Variants in NAPB observed in about 807,000 individuals in gnomAD.
The protein encoded by NAPB is beta-soluble NSF attachment protein.
In NAPB, 26 loss-of-function variants were observed where a neutral mutation model predicts 44.7. The observed-to-expected ratio is 0.58, with a 90% CI of 0.43 to 0.81. The LOEUF (loss-of-function observed/expected upper bound fraction) is 0.81. Among genes scored for constraint, NAPB ranks in the 30% least tolerant of loss-of-function variants. The probability of loss-of-function intolerance (pLI) is 0.00; values close to 1 mark genes in which losing one functional copy is unlikely to be tolerated. For synonymous variants in NAPB, 120 were observed against 116.8 expected (o/e 1.03, Z -0.18); for missense variants, 315 against 356.4 (o/e 0.88, Z 0.94).
At chr20:23,390,146 G>C in intron 6 of NAPB, 63 bp downstream of exon 6, 2 of 1,516,976 alleles carry the variant, frequency 1.3e-6, no homozygotes, top group Non-Finnish European at 1.8e-6. Context: ...AAAGTATAAA[G>C]AAGTATTTTT....
At chr20:23,408,057 T>TA (rs1600593878) in intron 1 of NAPB, among the ~76,000 whole-genome samples, 2 of 152,304 alleles carry the variant, frequency 1.3e-5, no homozygotes, top group East Asian at 1.9e-4. Flanking sequence ...AAGTTGCCTC[T>TA]AAAATCACAA....
rs907441573 is a variant in NAPB at position 23,406,541 on chromosome 20, G to T, written c.99-3469C>A. Among the ~76,000 whole-genome samples, 9 of 152,078 alleles carry T rather than the reference G, an allele frequency of 5.9e-5. No individual in the cohort carries two copies. The South Asian group carries it at 1.9e-3, about 32-fold the overall frequency. ...GGACTATGTTACACAGTGAAAGATA[G>T]AATGGCAACAAGCCATACCAAAAAT... On this transcript the variant is annotated intron_variant, in intron 1 of 10. Transcript: ENST00000377026.
intron 5 of NAPB, among the ~76,000 whole-genome samples, chr20:23,392,256 A>G (rs1487625512): frequency 2.0e-5 from 3 of 148,102 alleles, no homozygotes; most frequent in Non-Finnish European, 4.4e-5. Flanking sequence ...GGTGTTCCAA[A>G]GAAATATTTT....
At chr20:23,411,877 ATAG>A (rs2123252803) in intron 1 of NAPB, among the ~76,000 whole-genome samples, 1 of 152,348 alleles carries the variant, frequency 6.6e-6, no homozygotes, top group Admixed American at 6.5e-5. Flanking sequence ...TACAGTAAAT[ATAG>A]TAGTATGACA....
At chr20:23,382,074 T>C (rs1323570551) in intron 7 of NAPB, among the ~76,000 whole-genome samples, 1 of 152,102 alleles carries the variant, frequency 6.6e-6, no homozygotes, top group Non-Finnish European at 1.5e-5. Context: ...AGGAAAGAGG[T>C]TCCCCTTCTT....
At chr20:23,420,724 CTTCTAGGTCGTGG>C (rs1986344867) in intron 1 of NAPB, among the ~76,000 whole-genome samples, 1 of 152,162 alleles carries the variant, frequency 6.6e-6, no homozygotes, top group Non-Finnish European at 1.5e-5. Flanking sequence ...AGCCGCTGAC[CTTCTAGGTCGTGG>C]GACCCCCGCA....
chr20:23,412,908 A>C (rs1045929512), intron 1 of NAPB, among the ~76,000 whole-genome samples: 3 of 152,188 alleles, frequency 2.0e-5, no homozygotes, highest in African/African-American at 7.2e-5. Flanking sequence ...AGGCAGGAGA[A>C]TCGCTTGAAC....
At chr20:23,400,301 G>A (rs998941178) in intron 2 of NAPB, among the ~76,000 whole-genome samples, 6 of 152,072 alleles carry the variant, frequency 3.9e-5, no homozygotes, top group Non-Finnish European at 8.8e-5. Context: ...GGCACTCCTC[G>A]TGGTCAGGAG....
At chr20:23,390,407 CAAGA>C (rs2123171075) in intron 5 of NAPB, 143 bp from the exon 6 acceptor site, 1 of 686,156 alleles carries the variant, frequency 1.5e-6, no homozygotes, top group South Asian at 1.8e-5. Flanking sequence ...TTAGGAAATA[CAAGA>C]AAGCATGCAC....
At chr20:23,419,708 C>A (rs1986252837) in intron 1 of NAPB, among the ~76,000 whole-genome samples, 1 of 152,164 alleles carries the variant, frequency 6.6e-6, no homozygotes, top group African/African-American at 2.4e-5. Context: ...CTTTTAAATG[C>A]AAAACAAAAC....
chr20:23,417,316 T>G (rs1986076222), intron 1 of NAPB, among the ~76,000 whole-genome samples: 1 of 152,158 alleles, frequency 6.6e-6, no homozygotes, highest in African/African-American at 2.4e-5. Context: ...ACTCCTGACC[T>G]CAAGTGATCC....
chr20:23,404,913 T>C (rs1985125582), intron 1 of NAPB, among the ~76,000 whole-genome samples: 1 of 152,218 alleles, frequency 6.6e-6, no homozygotes, highest in South Asian at 2.1e-4. Flanking sequence ...AAACCTTATA[T>C]ACGACTGGGA....
At chr20:23,412,858 T>G (rs1483715877) in intron 1 of NAPB, among the ~76,000 whole-genome samples, 1 of 152,160 alleles carries the variant, frequency 6.6e-6, no homozygotes, top group African/African-American at 2.4e-5. Flanking sequence ...TAGCCAGGTG[T>G]GGTGGCGTGT....
chr20:23,394,292 G>A (rs1485664744), intron 5 of NAPB, among the ~76,000 whole-genome samples: 1 of 152,176 alleles, frequency 6.6e-6, no homozygotes, highest in Admixed American at 6.5e-5. Context: ...ACAAGGTAGT[G>A]AGTTGTGCCA....
intron 1 of NAPB, among the ~76,000 whole-genome samples, chr20:23,407,770 G>A (rs1190787662): frequency 6.6e-6 from 1 of 152,190 alleles, no homozygotes. Flanking sequence ...ATGTTCCCCT[G>A]AGGAAACATT....
intron 9 of NAPB, 33 bp downstream of exon 9, chr20:23,379,834 A>G (rs1297758238): frequency 9.7e-6 from 15 of 1,540,578 alleles, no homozygotes; most frequent in Non-Finnish European, 1.2e-5. Flanking sequence ...ACAGAACAAA[A>G]GCATTTTTCT....
chr20:23,385,936 A>G (rs1227101697), intron 7 of NAPB, among the ~76,000 whole-genome samples: 6 of 152,186 alleles, frequency 3.9e-5, no homozygotes, highest in Non-Finnish European at 7.3e-5. Context: ...ATAAAACAAA[A>G]CAAATTTATA....
At chr20:23,394,225 G>A (rs1481548869) in intron 5 of NAPB, among the ~76,000 whole-genome samples, 3 of 152,182 alleles carry the variant, frequency 2.0e-5, no homozygotes, top group South Asian at 2.1e-4. Flanking sequence ...GGTAGGGAGA[G>A]CAAAAGCAGG....
At chr20:23,420,570 G>C (rs1600611699) in intron 1 of NAPB, among the ~76,000 whole-genome samples, 1 of 151,828 alleles carries the variant, frequency 6.6e-6, no homozygotes, top group African/African-American at 2.4e-5. Context: ...CCACCCCTCC[G>C]GCTCCACCCC....
Sources: gnomAD v4.1 joint callset for allele counts (sites outside exome capture counted in the v4.1 genomes callset) on GRCh38, gnomAD v4.1.1 for gene constraint, MANE v1.5 for transcripts, NCBI Gene and HGNC (gene_info 2026-07-23, HGNC 2026-07-21) for gene names.